The following NRG1 variants were observed in gnomAD, a reference collection of about 807,000 sequenced individuals.
NRG1 encodes the protein neuregulin 1.
Under a neutral mutation model 63.8 loss-of-function variants are expected in NRG1, and 18 were observed. That is an observed-to-expected ratio of 0.28 (90% CI 0.19 to 0.42). NRG1 has a LOEUF of 0.42. Ranked by LOEUF, NRG1 falls within the 10% of genes least tolerant of loss-of-function variation. The pLI is 1.00. For missense variants in NRG1, 762 were observed against 814.7 expected (o/e 0.94, Z 0.79); for synonymous variants, 302 against 301.3 (o/e 1.00, Z -0.02).
At chr8:32,592,270 A>G (rs561755271) in intron 1 of NRG1, among the ~76,000 whole-genome samples, 133 of 152,244 alleles carry the variant, frequency 8.7e-4, no homozygotes, top group Middle Eastern at 6.8e-3. Context: ...ACCACAACGC[A>G]GTGCTCCTGC....
intron 1 of NRG1, among the ~76,000 whole-genome samples, chr8:32,351,186 C>A (rs550102017): frequency 6.9e-6 from 1 of 145,538 alleles, no homozygotes; most frequent in African/African-American, 2.5e-5. Context: ...CTCACTTTCA[C>A]ACCTACATAC....
chr8:32,727,032 G>C (rs895777527), intron 5 of NRG1, among the ~76,000 whole-genome samples: 3 of 151,784 alleles, frequency 2.0e-5, no homozygotes, highest in African/African-American at 4.8e-5. Flanking sequence ...ACTATTTTTG[G>C]TTGGGACTGA....
chr8:32,151,868 C>T (rs1370577840), intron 1 of NRG1, among the ~76,000 whole-genome samples: 2 of 152,226 alleles, frequency 1.3e-5, no homozygotes, highest in East Asian at 1.9e-4. Context: ...GTCCGTGAAG[C>T]TCCTCTATCC....
At chr8:31,923,195 G>GT (rs1407669546) in intron 1 of NRG1, among the ~76,000 whole-genome samples, 8 of 151,652 alleles carry the variant, frequency 5.3e-5, no homozygotes, top group Non-Finnish European at 8.8e-5. Context: ...TTGGCAAATA[G>GT]TTTTTTTTAA....
intron 1 of NRG1, among the ~76,000 whole-genome samples, chr8:32,013,926 G>C (rs115053247): frequency 6.6e-6 from 1 of 152,124 alleles, no homozygotes. Flanking sequence ...GAAAAAAGCT[G>C]TGTCTTCACC....
intron 1 of NRG1, among the ~76,000 whole-genome samples, chr8:32,090,370 A>G (rs1016509432): frequency 6.6e-6 from 1 of 152,158 alleles, no homozygotes; most frequent in Admixed American, 6.5e-5. Context: ...GTCCGGGTTG[A>G]AGTGCAGTGG....
At chr8:32,649,159 C>CTTT (rs35558760) in intron 5 of NRG1, among the ~76,000 whole-genome samples, 46 of 123,324 alleles carry the variant, frequency 3.7e-4, no homozygotes, top group East Asian at 4.9e-4. Flanking sequence ...TGAGGTACAT[C>CTTT]TTTTTTTTTT....
chr8:32,653,239 A>G (rs771967301), intron 5 of NRG1, among the ~76,000 whole-genome samples: 8 of 152,110 alleles, frequency 5.3e-5, no homozygotes, highest in Non-Finnish European at 1.2e-4. Context: ...AAAACAGTAG[A>G]GTGCCTGCCC....
chr8:32,748,993 C>A (rs60298377), intron 7 of NRG1: 6,942 of 190,912 alleles, frequency 0.036, 537 homozygotes, highest in African/African-American at 0.16. Context: ...ATTAGATAAC[C>A]AATGAGCAAG....
At chr8:31,962,875 G>A (rs185405009) in intron 1 of NRG1, among the ~76,000 whole-genome samples, 49 of 152,232 alleles carry the variant, frequency 3.2e-4, no homozygotes, top group African/African-American at 5.5e-4. Flanking sequence ...TAGGGCTAGC[G>A]TACTAAAACC....
At chr8:32,686,827 T>G (rs530224793) in intron 5 of NRG1, among the ~76,000 whole-genome samples, 11 of 152,234 alleles carry the variant, frequency 7.2e-5, no homozygotes, top group African/African-American at 2.6e-4. Context: ...GTGTGCTCAA[T>G]GTATGGGCCA....
chr8:32,107,274 T>C (rs1642402450), intron 1 of NRG1, among the ~76,000 whole-genome samples: 1 of 152,176 alleles, frequency 6.6e-6, no homozygotes, highest in Admixed American at 6.5e-5. Context: ...CTATTTTTAG[T>C]CTCAAATGTA....
At chr8:31,786,259 T>C (rs1820159321) in intron 1 of NRG1, among the ~76,000 whole-genome samples, 1 of 152,216 alleles carries the variant, frequency 6.6e-6, no homozygotes, top group South Asian at 2.1e-4. Context: ...GCTTAGGCCC[T>C]GGCTTGATGA....
intron 1 of NRG1, among the ~76,000 whole-genome samples, chr8:32,378,771 C>A (rs1256428790): frequency 7.3e-6 from 1 of 136,598 alleles, no homozygotes; most frequent in Non-Finnish European, 1.6e-5. Context: ...CCTCCCCCGT[C>A]CCCCAACCCC....
At chr8:32,387,985 A>G (rs1479370717) in intron 1 of NRG1, among the ~76,000 whole-genome samples, 2 of 152,172 alleles carry the variant, frequency 1.3e-5, no homozygotes, top group African/African-American at 4.8e-5. Flanking sequence ...GTCACTTGGA[A>G]AAAAACAAAA....
intron 1 of NRG1, among the ~76,000 whole-genome samples, chr8:32,326,355 AG>A (rs1368401922): frequency 1.5e-5 from 2 of 131,466 alleles, no homozygotes; most frequent in Non-Finnish European, 3.1e-5. Context: ...TCTGTCACCC[AG>A]GCTGGAGTGT....
chr8:32,234,371 T>A (rs1316480737), intron 1 of NRG1, among the ~76,000 whole-genome samples: 1 of 152,206 alleles, frequency 6.6e-6, no homozygotes, highest in Non-Finnish European at 1.5e-5. Flanking sequence ...TGCATGTATA[T>A]CATCAGATTT....
At chr8:32,065,180 A>AT (rs1465876299) in intron 1 of NRG1, among the ~76,000 whole-genome samples, 1 of 150,392 alleles carries the variant, frequency 6.6e-6, no homozygotes, top group Non-Finnish European at 1.5e-5. Context: ...GTGGCCATCG[A>AT]TTTTTTCTTT....
chr8:32,306,901 C>T (rs547133080), intron 1 of NRG1, among the ~76,000 whole-genome samples: 1 of 152,260 alleles, frequency 6.6e-6, no homozygotes, highest in South Asian at 2.1e-4. Flanking sequence ...CTAGAGCATC[C>T]TTTTGCTTTT....
Sources: allele counts gnomAD v4.1 joint callset (sites outside exome capture counted in the v4.1 genomes callset), GRCh38; gene constraint gnomAD v4.1.1; transcripts MANE v1.5; gene names NCBI Gene and HGNC (gene_info 2026-07-23, HGNC 2026-07-21).